LZTFL1: variants seen among roughly 807,000 people sequenced by gnomAD.
LZTFL1 encodes leucine zipper transcription factor like 1, also known as leucine zipper transcription factor-like protein 1.
A neutral mutation model predicts 45.9 loss-of-function variants in LZTFL1; 25 were observed. The observed-to-expected ratio is 0.54, with a 90% CI of 0.40 to 0.76. The LOEUF (loss-of-function observed/expected upper bound fraction) is 0.76, where lower values mean the gene tolerates loss of function less well. Ranked by LOEUF, LZTFL1 falls within the 30% of genes least tolerant of loss-of-function variation. LZTFL1 has a pLI of 0.00. For synonymous variants in LZTFL1, 93 were observed against 117.4 expected, an observed-to-expected ratio of 0.79 and a Z score of 1.35; for missense variants, 277 against 331.1, an observed-to-expected ratio of 0.84 and a Z score of 1.27.
rs75251577 is a variant in LZTFL1, at chr3:45,859,423, C to T, written c.-214-407G>A. ...TGTTGTTGTTGTAGAGACAGCGTCT[C>T]GCTTTTTTGCCCACGGTGGTTTCAA... is the stretch of plus-strand genomic sequence containing the variant. On this transcript the variant is annotated intron_variant, in intron 2 of 4. Coordinates refer to the LZTFL1 transcript ENST00000472635. Among the ~76,000 whole-genome samples the T allele has an allele frequency of 3.4e-3, 519 of 152,164 alleles. 3 individuals are homozygous for T. The highest frequency in any genetic ancestry group is 7.8e-3 in the Admixed American group (119 of 15,270).
chr3:45,828,535 A>G lies in LZTFL1; in HGVS notation c.681T>C (p.Asn227=), dbSNP rs757071795. ...GTGACTTCTGGTTTTCTGTCTTGTC[A>G]TTAAGTGTCTTCTGAAACTCACTCT... ...ALKSEFQKTL[N]DKTENQKSLE... The change falls in exon 8 of 10, where the codon AAT becomes AAC. Residue 227 remains asparagine (N), a synonymous_variant. Transcript: ENST00000296135. 1 of 1,614,170 alleles carries G rather than the reference A, an allele frequency of 6.2e-7. No individual in the cohort carries two copies. The highest frequency in any genetic ancestry group is 1.3e-5 in the African/African-American group (1 of 75,046).
intron 2 of LZTFL1, chr3:45,894,938 C>T (rs1702305934): frequency 6.2e-7 from 1 of 1,614,078 alleles, no homozygotes; most frequent in Non-Finnish European, 8.5e-7. Context: ...CCCACCATGA[C>T]ACCCACAGAC....
chr3:45,904,109 T>G (rs1036693351), intron 2 of LZTFL1, among the ~76,000 whole-genome samples: 3 of 152,192 alleles, frequency 2.0e-5, no homozygotes, highest in Admixed American at 2.0e-4. Flanking sequence ...CCTGGGCAAG[T>G]AGCTTTGTGT....
At chr3:45,857,346 C>T (rs185600737) in intron 3 of LZTFL1, among the ~76,000 whole-genome samples, 1 of 152,152 alleles carries the variant, frequency 6.6e-6, no homozygotes. Flanking sequence ...CAGAGGGGAA[C>T]AACACACACT....
chr3:45,895,234 G>A (rs1005349055), intron 2 of LZTFL1: 1 of 505,526 alleles, frequency 2.0e-6, no homozygotes. Context: ...ACTAGGGTGT[G>A]CTTAGTTCCA....
At chr3:45,838,166 A>G in intron 1 of LZTFL1, 115 bp from the exon 2 acceptor site, 7 of 1,174,894 alleles carry the variant, frequency 6.0e-6, no homozygotes, top group Non-Finnish European at 8.2e-6. Context: ...ATCAAATTCT[A>G]TTCTTCCCTT....
intron 2 of LZTFL1, chr3:45,894,897 C>G: frequency 1.2e-6 from 2 of 1,612,156 alleles, no homozygotes; most frequent in Non-Finnish European, 1.7e-6. Context: ...ATTTTTGTCC[C>G]TTTTCCAGGA....
At chr3:45,851,632 G>A (rs1173131888) in intron 4 of LZTFL1, among the ~76,000 whole-genome samples, 1 of 152,054 alleles carries the variant, frequency 6.6e-6, no homozygotes, top group Admixed American at 6.5e-5. Flanking sequence ...TTAACTATGA[G>A]AAGTTTCTAT....
intron 2 of LZTFL1, among the ~76,000 whole-genome samples, chr3:45,892,985 A>C (rs568280898): frequency 6.6e-6 from 1 of 152,296 alleles, no homozygotes; most frequent in South Asian, 2.1e-4. Context: ...TTGAGGTCCA[A>C]TTATAATAAA....
At chr3:45,847,157 T>C (rs1471621623) in intron 4 of LZTFL1, among the ~76,000 whole-genome samples, 1 of 152,218 alleles carries the variant, frequency 6.6e-6, no homozygotes, top group African/African-American at 2.4e-5. Flanking sequence ...TTCTCCAAGA[T>C]TCACACCTTG....
chr3:45,835,016 T>C (rs1017411655), intron 3 of LZTFL1: 1 of 152,948 alleles, frequency 6.5e-6, no homozygotes, highest in African/African-American at 2.4e-5. Context: ...GGCTTGGCGG[T>C]CAGTCCTTCC....
intron 2 of LZTFL1, among the ~76,000 whole-genome samples, chr3:45,882,760 C>T (rs1478101374): frequency 6.6e-6 from 1 of 151,514 alleles, no homozygotes; most frequent in African/African-American, 2.4e-5. Flanking sequence ...TCTTCAGTTG[C>T]CAGGTACAGC....
At chr3:45,885,535 C>T (rs1167792791) in intron 2 of LZTFL1, among the ~76,000 whole-genome samples, 2 of 152,116 alleles carry the variant, frequency 1.3e-5, no homozygotes, top group Non-Finnish European at 2.9e-5. Flanking sequence ...CTGTGGCTTT[C>T]CAGCACTCCA....
intron 1 of LZTFL1, among the ~76,000 whole-genome samples, chr3:45,914,265 T>C (rs1702853646): frequency 6.7e-6 from 1 of 149,918 alleles, no homozygotes; most frequent in Non-Finnish European, 1.5e-5. Flanking sequence ...AGAATTGGAA[T>C]GGGTGGTGCC....
intron 2 of LZTFL1, among the ~76,000 whole-genome samples, chr3:45,898,283 A>T (rs527636309): frequency 2.0e-5 from 3 of 152,280 alleles, no homozygotes; most frequent in African/African-American, 7.2e-5. Flanking sequence ...CCATGATTGC[A>T]GCTGGTTCCC....
At position 45,824,704 on chromosome 3, in the gene LZTFL1, G is replaced by T. The variant is rs1024901524; in HGVS notation, c.*1610C>A. 1.9e-4 allele frequency: 77 copies of T among 397,200 alleles called. 1 individual carries two copies. The Middle Eastern group carries it at 7.0e-3, about 36-fold the overall frequency. The allele number at this position is 397,200 out of a possible 1,614,324, so 24.6% of individuals were successfully genotyped here. A position where few individuals can be genotyped will look rare whatever the true frequency, so the allele number is the denominator to read the frequency against. On this transcript the variant is annotated 3_prime_UTR_variant, in exon 10 of 10. Coordinates refer to ENST00000296135, the MANE Select transcript of LZTFL1 (RefSeq NM_020347.4). ...TGAATGGTTTCTGAAGGCCACACTA[G>T]CCCTTTAGCCAAGAGTTCTGCTTCT...
Position 45,825,946 on chromosome 3 carries a change from G to A in LZTFL1, c.*368C>T. The stretch of plus-strand genomic sequence containing the variant: ...TTATTTATTTTTACCCATGGGGAAT[G>A]CATAAGTACAAACATTGTTAGCTTA... On this transcript the variant is annotated 3_prime_UTR_variant, in exon 10 of 10. Transcript: ENST00000296135. 5.1e-6 allele frequency: 1 copy of A among 197,400 alleles called. No homozygotes were observed. The highest frequency in any genetic ancestry group is 1.0e-5 in the Non-Finnish European group (1 of 98,424). 12.2% of individuals were successfully genotyped at this position (197,400 alleles called of 1,614,324 possible).
intron 2 of LZTFL1, among the ~76,000 whole-genome samples, chr3:45,890,279 T>TATAAATATATATATAAC (rs1553616516): frequency 0.066 from 4,987 of 75,774 alleles, 1,471 homozygotes; most frequent in East Asian, 0.2. Context: ...AACATATATA[T>TATAAATATATATATAAC]ATATTTATAT....
intron 4 of LZTFL1, 73 bp from the exon 5 acceptor site, chr3:45,833,194 T>G: frequency 9.9e-7 from 1 of 1,006,572 alleles, no homozygotes; most frequent in Non-Finnish European, 1.6e-6. Context: ...ACACTTGCAC[T>G]TTGCAAGTGG....
Sources: gnomAD v4.1 joint callset for allele counts (sites outside exome capture counted in the v4.1 genomes callset) on GRCh38, gnomAD v4.1.1 for gene constraint, MANE v1.5 for transcripts, NCBI Gene and HGNC (gene_info 2026-07-23, HGNC 2026-07-21) for gene names.